Variants in PDIA6 observed in about 807,000 individuals in gnomAD.
PDIA6 encodes the protein protein disulfide isomerase family A member 6.
A neutral mutation model predicts 58.4 loss-of-function variants in PDIA6; 29 were observed. The ratio of observed to expected loss-of-function variants is 0.50; its 90% CI spans 0.37 to 0.68. The LOEUF is 0.68. Among genes scored for constraint, PDIA6 ranks in the 30% least tolerant of loss-of-function variants. PDIA6 has a pLI of 0.00. For missense variants in PDIA6, 480 were observed against 551.0 expected, an observed-to-expected ratio of 0.87 and a Z score of 1.29; for synonymous variants, 192 against 202.6, an observed-to-expected ratio of 0.95 and a Z score of 0.44.
intron 4 of PDIA6, among the ~76,000 whole-genome samples, chr2:10,795,788 T>C (rs1279429186): frequency 6.6e-6 from 1 of 152,130 alleles, no homozygotes; most frequent in Non-Finnish European, 1.5e-5. Context: ...TTAGCTGGAC[T>C]CAGGCAAGTC....
chr2:10,827,080 T>A (rs1026177931), intron 1 of PDIA6, among the ~76,000 whole-genome samples: 3 of 152,168 alleles, frequency 2.0e-5, no homozygotes, highest in Non-Finnish European at 4.4e-5. Flanking sequence ...GATTGATTGA[T>A]TGAGATGAAG....
Position 10,783,956 on chromosome 2 carries a change from C to T in PDIA6, c.*302G>A, listed in dbSNP as rs1263851583. On this transcript the variant is annotated 3_prime_UTR_variant, in exon 13 of 13. Coordinates refer to ENST00000272227, the MANE Select transcript of PDIA6 (RefSeq NM_005742.4). Reference sequence around the variant, plus strand: ...AAAAAACCCATACATAAGAAACAGCCTCCAAGAACATTCAAGCAGCAGTCA... The same window carrying T: ...AAAAAACCCATACATAAGAAACAGCTTCCAAGAACATTCAAGCAGCAGTCA... The T allele has an allele frequency of 4.3e-6, 1 of 233,608 alleles. No homozygotes were observed. Among genetic ancestry groups the T allele is most frequent in the Non-Finnish European group, 8.2e-6 (1 of 121,536 alleles). 14.5% of individuals were successfully genotyped at this position (233,608 alleles called of 1,614,324 possible). A position where few individuals can be genotyped will look rare whatever the true frequency, so the allele number is the denominator to read the frequency against.
At chr2:10,831,949 C>A (rs912136064) in intron 1 of PDIA6, among the ~76,000 whole-genome samples, 4 of 137,550 alleles carry the variant, frequency 2.9e-5, no homozygotes, top group Admixed American at 1.7e-4. Context: ...GCGGGCAAGC[C>A]AGGGTCCCCT....
At position 10,784,180 on chromosome 2, in the gene PDIA6, A is replaced by C; in HGVS notation, c.*78T>G. ...GCCACTGGTAGAGTCATCTGAGTGT[A>C]GAGAATGTCCCTTCACTGCTGGAAA... On this transcript the variant is annotated 3_prime_UTR_variant, in exon 13 of 13. Coordinates refer to ENST00000272227, the MANE Select transcript of PDIA6 (RefSeq NM_005742.4). 1.9e-6 allele frequency: 2 copies of C among 1,077,796 alleles called. No homozygotes were observed. Among genetic ancestry groups the C allele is most frequent in the Non-Finnish European group, 1.4e-6 (1 of 722,158 alleles). 66.8% of individuals were successfully genotyped at this position (1,077,796 alleles called of 1,614,324 possible). A position where few individuals can be genotyped will look rare whatever the true frequency, so the allele number is the denominator to read the frequency against.
upstream of PDIA6, among the ~76,000 whole-genome samples, chr2:10,834,313 A>C (rs552940578): frequency 6.6e-6 from 1 of 152,376 alleles, no homozygotes; most frequent in African/African-American, 2.4e-5. Context: ...TGCCTGCAGC[A>C]GTGTGCTTTG....
At chr2:10,829,635 T>G (rs905104632) in intron 1 of PDIA6, among the ~76,000 whole-genome samples, 5 of 152,346 alleles carry the variant, frequency 3.3e-5, no homozygotes, top group African/African-American at 1.2e-4. Flanking sequence ...TGTTCTCCTC[T>G]CCACACAAAT....
At chr2:10,792,806 C>T (rs1666095210) in intron 5 of PDIA6, among the ~76,000 whole-genome samples, 2 of 152,178 alleles carry the variant, frequency 1.3e-5, no homozygotes. Flanking sequence ...CACTCTGGAC[C>T]TACAAGTGCC....
intron 1 of PDIA6, among the ~76,000 whole-genome samples, chr2:10,831,867 C>T (rs1558467363): frequency 6.6e-6 from 1 of 151,890 alleles, no homozygotes; most frequent in South Asian, 2.1e-4. Context: ...GTGTGAATGT[C>T]CTCTCCTTCC....
At chr2:10,797,881 A>G in intron 2 of PDIA6, 124 bp from the exon 3 acceptor site, 1 of 726,066 alleles carries the variant, frequency 1.4e-6, no homozygotes, top group Admixed American at 2.6e-5. Context: ...AAAGAGGACA[A>G]GCACAAATAA....
intron 4 of PDIA6, among the ~76,000 whole-genome samples, chr2:10,793,764 A>G (rs1156655900): frequency 1.3e-5 from 2 of 152,222 alleles, no homozygotes; most frequent in East Asian, 1.9e-4. Context: ...GAACATGAAC[A>G]TGGATGAATA....
intron 1 of PDIA6, among the ~76,000 whole-genome samples, chr2:10,809,110 C>T (rs915655076): frequency 7.9e-5 from 12 of 152,116 alleles, no homozygotes; most frequent in Non-Finnish European, 2.9e-5. Context: ...TGCCCGGCCT[C>T]AATATTATTT....
At chr2:10,785,459 T>C (rs995803944) in intron 11 of PDIA6, among the ~76,000 whole-genome samples, 5 of 152,190 alleles carry the variant, frequency 3.3e-5, no homozygotes, top group African/African-American at 1.2e-4. Flanking sequence ...GGGGTGCGTA[T>C]GTGCATAAAC....
intron 1 of PDIA6, among the ~76,000 whole-genome samples, chr2:10,827,819 G>T (rs1408199975): frequency 1.0e-5 from 1 of 97,700 alleles, no homozygotes; most frequent in African/African-American, 3.6e-5. Flanking sequence ...GTACGACTCT[G>T]TCTCAAAAAA....
upstream of PDIA6, among the ~76,000 whole-genome samples, chr2:10,815,927 AC>A (rs1667178197): frequency 6.6e-6 from 1 of 151,810 alleles, no homozygotes; most frequent in Non-Finnish European, 1.5e-5. Flanking sequence ...TCATCTCTAG[AC>A]CTTTTTTGTC....
At chr2:10,810,772 A>AC (rs1666971675) in intron 1 of PDIA6, among the ~76,000 whole-genome samples, 1 of 152,048 alleles carries the variant, frequency 6.6e-6, no homozygotes, top group Admixed American at 6.6e-5. Context: ...ACTACCTCCA[A>AC]CCCCCAAGAA....
At chr2:10,832,479 C>G in exon 1 of PDIA6, 2 of 983,570 alleles carry the variant, frequency 2.0e-6, no homozygotes, top group Non-Finnish European at 2.4e-6. Flanking sequence ...AGCGGGCACC[C>G]TCGGTTGAGT....
rs759369148 is a variant in PDIA6 at position 10,784,365 on chromosome 2, G to A, written c.1255-39C>T. On this transcript the variant is annotated intron_variant, in intron 12 of 12. Coordinates refer to ENST00000272227, the MANE Select transcript of PDIA6 (RefSeq NM_005742.4). ...GAAAGCCACTGTTAGATCTGCAGAA[G>A]GGGACACCCTGGAAGGTCAACATCT... 1.9e-6 allele frequency: 3 copies of A among 1,538,626 alleles called. No homozygotes were observed. In the South Asian group the frequency reaches 3.4e-5, roughly 18 times the overall value.
intron 1 of PDIA6, among the ~76,000 whole-genome samples, chr2:10,810,903 G>C (rs1036227102): frequency 2.0e-5 from 3 of 152,084 alleles, no homozygotes; most frequent in African/African-American, 7.2e-5. Flanking sequence ...TGGGAAATTG[G>C]ACCATCCGAG....
chr2:10,827,068 T>C (rs565768734), intron 1 of PDIA6, among the ~76,000 whole-genome samples: 6 of 152,178 alleles, frequency 3.9e-5, no homozygotes, highest in Non-Finnish European at 5.9e-5. Context: ...ATGTGTCTGA[T>C]TGATTGATTG....
Sources: gnomAD v4.1 joint callset for allele counts (sites outside exome capture counted in the v4.1 genomes callset) on GRCh38, gnomAD v4.1.1 for gene constraint, MANE v1.5 for transcripts, NCBI Gene and HGNC (gene_info 2026-07-23, HGNC 2026-07-21) for gene names.